The following NKAIN2 variants were observed in gnomAD, a reference collection of about 807,000 sequenced individuals.
NKAIN2 encodes sodium/potassium transporting ATPase interacting 2, also known as sodium/potassium-transporting ATPase subunit beta-1-interacting protein 2.
NKAIN2 carries 14 observed loss-of-function variants against 32.6 expected under a neutral mutation model. The observed-to-expected ratio is 0.43, with a 90% CI of 0.28 to 0.67. NKAIN2 has a LOEUF of 0.67. Among genes scored for constraint, NKAIN2 ranks in the 30% least tolerant of loss-of-function variants. The pLI is 0.17. For synonymous variants in NKAIN2, 80 were observed against 87.2 expected, an observed-to-expected ratio of 0.92 and a Z score of 0.46; for missense variants, 198 against 258.3, an observed-to-expected ratio of 0.77 and a Z score of 1.60.
rs1374714089 is a variant in NKAIN2 at position 124,355,261 on chromosome 6, C to T, written c.193-6C>T. 2 of 1,579,492 alleles carry T rather than the reference C, an allele frequency of 1.3e-6. No individual in the cohort carries two copies. Among genetic ancestry groups the T allele is most frequent in the Non-Finnish European group, 8.7e-7 (1 of 1,149,576 alleles). ...TATACGTTATTTCTCTCTTGCTTCT[C>T]TACAGTATGCTGTCTGGCTAGTCCT... is the stretch of plus-strand genomic sequence containing the variant. On this transcript the variant is annotated splice_polypyrimidine_tract_variant and splice_region_variant and intron_variant, in intron 2 of 6. Coordinates refer to ENST00000368417, the MANE Select transcript of NKAIN2 (RefSeq NM_001040214.3).
At chr6:123,983,131 A>G (rs1239105634) in intron 1 of NKAIN2, among the ~76,000 whole-genome samples, 2 of 152,188 alleles carry the variant, frequency 1.3e-5, no homozygotes, top group Non-Finnish European at 2.9e-5. Flanking sequence ...GACAGGGAAC[A>G]TTTTAGGAAA....
At chr6:124,061,954 A>G (rs1158350713) in intron 1 of NKAIN2, among the ~76,000 whole-genome samples, 3 of 152,196 alleles carry the variant, frequency 2.0e-5, no homozygotes, top group Non-Finnish European at 4.4e-5. Flanking sequence ...AAAATAACAA[A>G]GAAAAAGAAT....
intron 3 of NKAIN2, among the ~76,000 whole-genome samples, chr6:124,557,108 C>T (rs1780503607): frequency 6.6e-6 from 1 of 152,072 alleles, no homozygotes; most frequent in South Asian, 2.1e-4. Flanking sequence ...TATTATTGAA[C>T]ACAAAGATGC....
chr6:124,681,336 T>G (rs921950618), intron 4 of NKAIN2, among the ~76,000 whole-genome samples: 2 of 152,098 alleles, frequency 1.3e-5, no homozygotes, highest in Non-Finnish European at 2.9e-5. Context: ...CCACTAAGAA[T>G]ATCATCTTCT....
chr6:124,482,882 C>A (rs1194019222), intron 3 of NKAIN2, among the ~76,000 whole-genome samples: 3 of 152,164 alleles, frequency 2.0e-5, no homozygotes. Flanking sequence ...CGCCTGTAAT[C>A]CCAGCACTTC....
At chr6:124,702,771 C>A (rs1176222159) in intron 4 of NKAIN2, among the ~76,000 whole-genome samples, 1 of 152,038 alleles carries the variant, frequency 6.6e-6, no homozygotes, top group African/African-American at 2.4e-5. Flanking sequence ...TCGGTCATTA[C>A]AATTCCACGC....
intron 2 of NKAIN2, among the ~76,000 whole-genome samples, chr6:124,334,203 C>T (rs1015125180): frequency 6.6e-6 from 1 of 152,140 alleles, no homozygotes; most frequent in African/African-American, 2.4e-5. Flanking sequence ...TTTTATTTCT[C>T]TGCACTTCTC....
At chr6:123,849,712 G>A (rs890191598) in intron 1 of NKAIN2, among the ~76,000 whole-genome samples, 1 of 152,130 alleles carries the variant, frequency 6.6e-6, no homozygotes, top group African/African-American at 2.4e-5. Context: ...GGGGAGACAA[G>A]GTAATATGGG....
At chr6:124,373,623 G>A (rs1799865072) in intron 3 of NKAIN2, among the ~76,000 whole-genome samples, 1 of 152,128 alleles carries the variant, frequency 6.6e-6, no homozygotes, top group African/African-American at 2.4e-5. Flanking sequence ...CTGAAGAAGA[G>A]GATCCAGAAA....
chr6:124,586,061 A>G (rs1029331315), intron 3 of NKAIN2, among the ~76,000 whole-genome samples: 2 of 152,166 alleles, frequency 1.3e-5, no homozygotes, highest in Non-Finnish European at 2.9e-5. Flanking sequence ...CTTCAAGTCA[A>G]TAGATAGAAG....
chr6:124,286,680 G>A (rs1337565225), intron 2 of NKAIN2, among the ~76,000 whole-genome samples: 2 of 128,136 alleles, frequency 1.6e-5, no homozygotes, highest in Non-Finnish European at 3.3e-5. Flanking sequence ...GTGTGCGCGC[G>A]CGTGTGTGTG....
intron 1 of NKAIN2, among the ~76,000 whole-genome samples, chr6:123,850,644 A>G (rs1445241138): frequency 3.3e-5 from 5 of 152,180 alleles, no homozygotes; most frequent in Admixed American, 2.6e-4. Flanking sequence ...CATTGCATTT[A>G]TTTATTATGT....
At chr6:124,003,171 G>A (rs113480787) in intron 1 of NKAIN2, among the ~76,000 whole-genome samples, 1 of 152,132 alleles carries the variant, frequency 6.6e-6, no homozygotes, top group East Asian at 1.9e-4. Flanking sequence ...TCATTTTATT[G>A]TTAGTCATCT....
chr6:124,416,190 G>A (rs12214606), intron 3 of NKAIN2, among the ~76,000 whole-genome samples: 59,281 of 151,648 alleles, frequency 0.39, 13,449 homozygotes, highest in South Asian at 0.59. Flanking sequence ...TGCATGGCCA[G>A]CATGGCATTG....
chr6:123,837,985 A>T (rs559443585), intron 1 of NKAIN2, among the ~76,000 whole-genome samples: 69 of 152,190 alleles, frequency 4.5e-4, no homozygotes, highest in Non-Finnish European at 9.3e-4. Context: ...ATGCAAGTAT[A>T]AAGTATACCT....
chr6:124,310,252 A>T (rs1350068988), intron 2 of NKAIN2, among the ~76,000 whole-genome samples: 1 of 151,516 alleles, frequency 6.6e-6, no homozygotes, highest in Non-Finnish European at 1.5e-5. Context: ...ATTTATGTAG[A>T]TTTTTTTTTG....
intron 4 of NKAIN2, among the ~76,000 whole-genome samples, chr6:124,675,652 G>A (rs192111814): frequency 1.3e-5 from 2 of 151,904 alleles, no homozygotes; most frequent in Admixed American, 6.6e-5. Context: ...ATTATTCATG[G>A]TAGTCTCTTA....
chr6:124,355,474 T>G lies in NKAIN2; in HGVS notation c.273+127T>G. On this transcript the variant is annotated intron_variant, in intron 3 of 6. Transcript: ENST00000368417. ...CAATGAAAGTAAATTGAAAGGTGTC[T>G]TGATTTATATTTCTGCATTTTTATC... The G allele has an allele frequency of 4.8e-6, 3 of 618,814 alleles. No homozygotes were observed. The South Asian group carries it at 6.1e-5, about 13-fold the overall frequency. 38.3% of individuals were successfully genotyped at this position (618,814 alleles called of 1,614,324 possible).
intron 1 of NKAIN2, among the ~76,000 whole-genome samples, chr6:123,959,555 AG>A (rs1299185125): frequency 1.3e-5 from 2 of 152,156 alleles, no homozygotes; most frequent in Non-Finnish European, 2.9e-5. Flanking sequence ...TGATTGCCAA[AG>A]GGGTATATTC....
Sources: gnomAD v4.1 joint callset for allele counts (sites outside exome capture counted in the v4.1 genomes callset) on GRCh38, gnomAD v4.1.1 for gene constraint, MANE v1.5 for transcripts, NCBI Gene and HGNC (gene_info 2026-07-23, HGNC 2026-07-21) for gene names.